SLC1A3: variants seen among roughly 807,000 people sequenced by gnomAD.
SLC1A3 encodes excitatory amino acid transporter 1.
In SLC1A3, 21 loss-of-function variants were observed where a neutral mutation model predicts 48.1. The ratio of observed to expected loss-of-function variants is 0.44; its 90% CI spans 0.31 to 0.63. SLC1A3 has a LOEUF of 0.63. Among genes scored for constraint, SLC1A3 ranks in the 20% least tolerant of loss-of-function variants. The pLI, the probability that SLC1A3 is intolerant of heterozygous loss-of-function variation, is 0.08. For missense variants in SLC1A3, 546 were observed against 689.0 expected (o/e 0.79, Z 2.32); for synonymous variants, 239 against 251.4 (o/e 0.95, Z 0.47).
In SLC1A3 at chr5:36,677,101, C is replaced by G. The variant is rs1416760808; in HGVS notation, c.777C>G (p.Asn259Lys). 3 of 1,614,024 alleles carry G rather than the reference C, an allele frequency of 1.9e-6. No homozygotes were observed. In the Admixed American group the frequency reaches 5.0e-5, roughly 27 times the overall value. The change falls in exon 6 of 10, where the codon AAC becomes AAG. Residue 259 changes from asparagine (N) to lysine (K), a missense_variant. Asn to Lys is a moderately conservative substitution (Grantham distance 94, BLOSUM62 0). This residue lies in a region of SLC1A3 where 348 missense variants were observed against 392.0 expected (regional missense o/e 0.89). Coordinates refer to ENST00000265113, the MANE Select transcript of SLC1A3 (RefSeq NM_004172.5). ...TGTGCTTCGGTTTTGTGATTGGAAA[C>G]ATGAAGGAACAGGGGCAGGCCCTGA... ...FSMCFGFVIGNMKEQGQALRE... is the reference protein window; with the variant it reads ...FSMCFGFVIGKMKEQGQALRE...
chr5:36,615,374 C>T (rs897835334), intron 2 of SLC1A3, among the ~76,000 whole-genome samples: 1 of 152,090 alleles, frequency 6.6e-6, no homozygotes, highest in Non-Finnish European at 1.5e-5. Flanking sequence ...AGGTGTTTTG[C>T]TTTGTTTTAT....
At chr5:36,627,192 C>T (rs1007903729) in intron 2 of SLC1A3, among the ~76,000 whole-genome samples, 6 of 151,808 alleles carry the variant, frequency 4.0e-5, no homozygotes, top group African/African-American at 9.7e-5. Flanking sequence ...GACTCTTAAA[C>T]GATTAGGATT....
intron 6 of SLC1A3, among the ~76,000 whole-genome samples, chr5:36,677,510 A>C (rs148755875): frequency 2.6e-5 from 4 of 152,376 alleles, no homozygotes; most frequent in East Asian, 1.9e-4. Context: ...TATGCTAAGC[A>C]TATAGTGCCA....
At chr5:36,685,469 T>C (rs1331730351) in intron 9 of SLC1A3, among the ~76,000 whole-genome samples, 1 of 152,168 alleles carries the variant, frequency 6.6e-6, no homozygotes, top group Non-Finnish European at 1.5e-5. Flanking sequence ...TAGAGACGGG[T>C]TTCACCATGT....
Position 36,648,865 on chromosome 5 carries a change from G to GA in SLC1A3, c.319+19286dup, listed in dbSNP as rs535168285. 1.7e-4 allele frequency among the ~76,000 whole-genome samples: 26 copies of GA among 151,304 alleles called. 1 individual carries two copies. The South Asian group carries it at 5.4e-3, about 32-fold the overall frequency. On this transcript the variant is annotated intron_variant, in intron 3 of 9. Transcript: ENST00000265113. ...AAGGGTTACTAAGATTGCAATAGAAGAAAAAAAATATAAAAGCAAAAAAAT... is the reference window on the plus strand; with the variant it reads ...AAGGGTTACTAAGATTGCAATAGAAGAAAAAAAAATATAAAAGCAAAAAAAT...
rs1742655071 is a variant in SLC1A3, at chr5:36,686,506, G to A, written c.*237G>A. On this transcript the variant is annotated 3_prime_UTR_variant, in exon 10 of 10. Transcript: ENST00000265113. ...ATTTCATGTTAGTCTTACCGAATAA[G>A]GTACCAAGATCACAAATAGTGTTGA... 3.7e-6 allele frequency: 2 copies of A among 539,232 alleles called. No homozygotes were observed. Among genetic ancestry groups the A allele is most frequent in the Non-Finnish European group, 6.7e-6 (2 of 300,706 alleles). 33.4% of individuals were successfully genotyped at this position (539,232 alleles called of 1,614,324 possible). A position where few individuals can be genotyped will look rare whatever the true frequency, so the allele number is the denominator to read the frequency against.
At chr5:36,627,689 T>C (rs1739966535) in intron 2 of SLC1A3, among the ~76,000 whole-genome samples, 1 of 152,178 alleles carries the variant, frequency 6.6e-6, no homozygotes, top group Non-Finnish European at 1.5e-5. Context: ...GAAAAGTATA[T>C]TCTGTATGAT....
intron 3 of SLC1A3, among the ~76,000 whole-genome samples, chr5:36,637,986 A>T (rs1740460486): frequency 6.6e-6 from 1 of 151,594 alleles, no homozygotes; most frequent in Non-Finnish European, 1.5e-5. Context: ...GAAAACTACC[A>T]CTTTACAGTT....
At chr5:36,624,585 T>C (rs562758632) in intron 2 of SLC1A3, among the ~76,000 whole-genome samples, 12 of 152,322 alleles carry the variant, frequency 7.9e-5, no homozygotes, top group Admixed American at 7.8e-4. Flanking sequence ...TGAGGCAATG[T>C]GCTTGTGAGG....
intron 3 of SLC1A3, among the ~76,000 whole-genome samples, chr5:36,654,188 C>T (rs1741198661): frequency 1.3e-5 from 2 of 152,146 alleles, no homozygotes; most frequent in Admixed American, 6.5e-5. Context: ...ACTCAAAATC[C>T]ACATCTGAGG....
intron 3 of SLC1A3, among the ~76,000 whole-genome samples, chr5:36,657,079 T>C (rs1741313845): frequency 6.6e-6 from 1 of 152,196 alleles, no homozygotes; most frequent in African/African-American, 2.4e-5. Flanking sequence ...CCTTGATGCA[T>C]TTACATCTCT....
intron 2 of SLC1A3, among the ~76,000 whole-genome samples, chr5:36,621,084 T>G (rs531189194): frequency 1.7e-4 from 26 of 152,148 alleles, no homozygotes; most frequent in African/African-American, 6.3e-4. Flanking sequence ...TTTTGTATTT[T>G]TAGTAGAGAG....
At chr5:36,647,934 A>C (rs934831068) in intron 3 of SLC1A3, among the ~76,000 whole-genome samples, 2 of 152,256 alleles carry the variant, frequency 1.3e-5, no homozygotes, top group Middle Eastern at 3.4e-3. Flanking sequence ...ATTTATTCCA[A>C]TATTTATTGG....
chr5:36,643,381 C>T (rs192949249), intron 3 of SLC1A3, among the ~76,000 whole-genome samples: 2 of 152,302 alleles, frequency 1.3e-5, no homozygotes, highest in Admixed American at 1.3e-4. Context: ...AATGCTGTCT[C>T]ACTGTGGTTT....
At chr5:36,612,085 G>GCACACACACACACGCA (rs1561237987) in intron 2 of SLC1A3, among the ~76,000 whole-genome samples, 3 of 147,864 alleles carry the variant, frequency 2.0e-5, no homozygotes, top group Non-Finnish European at 4.5e-5. Context: ...ACACACACAC[G>GCACACACACACACGCA]CACACACACA....
chr5:36,626,289 C>T (rs954854336), intron 2 of SLC1A3, among the ~76,000 whole-genome samples: 2 of 152,100 alleles, frequency 1.3e-5, no homozygotes, highest in African/African-American at 4.8e-5. Flanking sequence ...CTTCATCAGC[C>T]CTTGTTTGAC....
intron 3 of SLC1A3, chr5:36,635,885 T>G (rs904229539): frequency 1.3e-5 from 2 of 152,222 alleles, no homozygotes; most frequent in African/African-American, 4.8e-5. Flanking sequence ...GTATTGGGCC[T>G]GCTTCATTGT....
chr5:36,679,577 T>G (rs1271273148), intron 6 of SLC1A3, 50 bp from the exon 7 acceptor site: 1 of 1,313,356 alleles, frequency 7.6e-7, no homozygotes. Context: ...TTCTGTGGAC[T>G]AGCTTGGTGG....
At chr5:36,645,674 G>A (rs139748201) in intron 3 of SLC1A3, among the ~76,000 whole-genome samples, 1 of 152,210 alleles carries the variant, frequency 6.6e-6, no homozygotes, top group African/African-American at 2.4e-5. Flanking sequence ...GAAGCTTGCT[G>A]GAAAGGCTTT....
Sources: allele counts gnomAD v4.1 joint callset (sites outside exome capture counted in the v4.1 genomes callset), GRCh38; gene constraint gnomAD v4.1.1; regional missense constraint gnomAD v4.1.1; transcripts MANE v1.5; gene names NCBI Gene and HGNC (gene_info 2026-07-23, HGNC 2026-07-21).